Variants in TTC3 observed in about 807,000 individuals in gnomAD.
TTC3 encodes the protein E3 ubiquitin-protein ligase TTC3.
In TTC3, 180 loss-of-function variants were observed where a neutral mutation model predicts 249.6. That is an observed-to-expected ratio of 0.72 (90% CI 0.64 to 0.82). TTC3 has a LOEUF of 0.82. Ranked by LOEUF, TTC3 falls within the 40% of genes least tolerant of loss-of-function variation. TTC3 has a pLI of 0.00. For missense variants in TTC3, 2,061 were observed against 2,398.4 expected (o/e 0.86, Z 2.94); for synonymous variants, 717 against 805.0 (o/e 0.89, Z 1.85).
intron 1 of TTC3, chr21:37,082,753 A>C (rs1434321210): frequency 2.0e-6 from 2 of 985,094 alleles, no homozygotes; most frequent in Non-Finnish European, 2.4e-6. Flanking sequence ...TTTCCTCCCA[A>C]CAGTACATTC....
At chr21:37,167,957 A>G (rs914287143) in intron 34 of TTC3, among the ~76,000 whole-genome samples, 29 of 151,996 alleles carry the variant, frequency 1.9e-4, no homozygotes, top group African/African-American at 5.8e-4. Flanking sequence ...TTTAACTGGT[A>G]TAATGAGCAT....
chr21:37,149,976 C>T, intron 23 of TTC3, 102 bp from the exon 24 acceptor site: 1 of 797,340 alleles, frequency 1.3e-6, no homozygotes. Flanking sequence ...TGGTTTTAGT[C>T]CGTATTTTGA....
intron 1 of TTC3, chr21:37,085,689 T>A (rs1289147253): frequency 6.6e-6 from 1 of 152,240 alleles, no homozygotes. Context: ...GTGAAGATCA[T>A]GTTAGTTGAG....
chr21:37,085,276 A>G (rs959592136), intron 1 of TTC3, among the ~76,000 whole-genome samples: 4 of 152,228 alleles, frequency 2.6e-5, no homozygotes, highest in African/African-American at 7.2e-5. Context: ...TGGGTGCTCC[A>G]GTATCTTATG....
At position 37,145,211 on chromosome 21, in the gene TTC3, G is replaced by C. The variant is rs1042698711; in HGVS notation, c.1893+566G>C. Among the ~76,000 whole-genome samples, 4 of 152,314 alleles carry C rather than the reference G, an allele frequency of 2.6e-5. No homozygotes were observed. In the East Asian group the frequency reaches 5.8e-4, roughly 22 times the overall value. On this transcript the variant is annotated intron_variant, in intron 21 of 45. Transcript: ENST00000355666. ...AAATGACTGAGATAGGCTTTTACTT[G>C]TAGTGAACTCTCACATGTACTCAGA...
intron 5 of TTC3, 34 bp downstream of exon 5, chr21:37,088,920 T>TG (rs1327856002): frequency 6.3e-7 from 1 of 1,578,576 alleles, no homozygotes; most frequent in Non-Finnish European, 8.7e-7. Flanking sequence ...CCCGAGCCCT[T>TG]GGTTTAAATA....
intron 11 of TTC3, 67 bp downstream of exon 11, chr21:37,108,513 A>G (rs2075303442): frequency 6.9e-7 from 1 of 1,451,044 alleles, no homozygotes; most frequent in East Asian, 2.3e-5. Flanking sequence ...ATCTGTTTAT[A>G]GGGTGTGTTT....
At chr21:37,147,174 G>T (rs2079052543) in intron 21 of TTC3, among the ~76,000 whole-genome samples, 1 of 152,156 alleles carries the variant, frequency 6.6e-6, no homozygotes, top group Non-Finnish European at 1.5e-5. Flanking sequence ...AATGCTTATG[G>T]AAGATTTCTG....
intron 5 of TTC3, among the ~76,000 whole-genome samples, chr21:37,089,792 G>C (rs1363128851): frequency 6.6e-6 from 1 of 152,086 alleles, no homozygotes; most frequent in Non-Finnish European, 1.5e-5. Context: ...GGGATTACCA[G>C]TGTGAGCCTG....
At chr21:37,090,432 G>A in intron 6 of TTC3, 146 bp downstream of exon 6, 1 of 969,698 alleles carries the variant, frequency 1.0e-6, no homozygotes, top group Non-Finnish European at 1.4e-6. Context: ...TCCTTAAGGA[G>A]ACTCCTCATT....
At chr21:37,140,960 A>C (rs1476010495) in intron 20 of TTC3, among the ~76,000 whole-genome samples, 2 of 152,172 alleles carry the variant, frequency 1.3e-5, no homozygotes, top group Non-Finnish European at 1.5e-5. Context: ...ATAGATAGTG[A>C]GTGAATTGAT....
chr21:37,165,960 G>T lies in TTC3; in HGVS notation c.3746G>T (p.Cys1249Phe), dbSNP rs866578559. Residue 1249 changes from cysteine (C) to phenylalanine (F), a missense_variant, in exon 33 of 46, where the codon TGT becomes TTT. Coordinates refer to ENST00000355666, the Ensembl canonical transcript of TTC3. ...TCTGCAAATTCTCCCAAGCCAGCTT[G>T]TGAAGATGTGAAGGCCAAACCAGTA... is the stretch of plus-strand genomic sequence containing the variant. 7 of 1,614,064 alleles carry T rather than the reference G, an allele frequency of 4.3e-6. No homozygotes were observed. In the African/African-American group the frequency reaches 9.3e-5, roughly 22 times the overall value.
chr21:37,183,939 G>C (rs1310123413), intron 36 of TTC3, among the ~76,000 whole-genome samples: 1 of 152,098 alleles, frequency 6.6e-6, no homozygotes, highest in Non-Finnish European at 1.5e-5. Context: ...GGGGGGCCAC[G>C]CTACACACTC....
chr21:37,128,010 C>T (rs1277079785), intron 15 of TTC3, among the ~76,000 whole-genome samples: 1 of 152,156 alleles, frequency 6.6e-6, no homozygotes, highest in African/African-American at 2.4e-5. Flanking sequence ...ATTCTGTCCA[C>T]CCTTCAGCAT....
intron 7 of TTC3, among the ~76,000 whole-genome samples, chr21:37,093,653 CTT>C (rs1379304924): frequency 3.3e-5 from 5 of 151,940 alleles, no homozygotes; most frequent in African/African-American, 1.2e-4. Context: ...ATTGAATTGA[CTT>C]AAGTAATTAT....
At chr21:37,137,180 A>G (rs2078023373) in intron 18 of TTC3, among the ~76,000 whole-genome samples, 1 of 152,210 alleles carries the variant, frequency 6.6e-6, no homozygotes, top group Admixed American at 6.5e-5. Flanking sequence ...GTAACACAAT[A>G]TCCATTCTGT....
chr21:37,118,852 C>G (rs1278197055), intron 11 of TTC3, among the ~76,000 whole-genome samples: 1 of 152,150 alleles, frequency 6.6e-6, no homozygotes, highest in Non-Finnish European at 1.5e-5. Context: ...ATCCAATGTA[C>G]TTTTCATCTT....
At chr21:37,201,717 C>A (rs1053984) in exon 46 of TTC3, 1 of 1,060,936 alleles carries the variant, frequency 9.4e-7, no homozygotes, top group Non-Finnish European at 1.3e-6. Context: ...GTTAATATCG[C>A]TGATATTAAG....
exon 27 of TTC3, chr21:37,153,253 T>A: frequency 6.2e-7 from 1 of 1,612,778 alleles, no homozygotes; most frequent in Non-Finnish European, 8.5e-7. Flanking sequence ...ATTAGCCGCC[T>A]GGATCCAAAA....
Sources: gnomAD v4.1 joint callset for allele counts (sites outside exome capture counted in the v4.1 genomes callset) on GRCh38, gnomAD v4.1.1 for gene constraint, MANE v1.5 for transcripts, NCBI Gene and HGNC (gene_info 2026-07-23, HGNC 2026-07-21) for gene names.